Variants in SYT16 observed in about 807,000 individuals in gnomAD.
SYT16 encodes synaptotagmin 16.
Under a neutral mutation model 61.4 loss-of-function variants are expected in SYT16, and 42 were observed. The observed-to-expected ratio is 0.68, with a 90% CI of 0.53 to 0.89. The LOEUF (loss-of-function observed/expected upper bound fraction) is 0.89. Ranked by LOEUF, SYT16 falls within the 40% of genes least tolerant of loss-of-function variation. The pLI, the probability that SYT16 is intolerant of heterozygous loss-of-function variation, is 0.00. For missense variants in SYT16, 804 were observed against 807.3 expected (o/e 1.00, Z 0.05); for synonymous variants, 314 against 302.3 (o/e 1.04, Z -0.40).
intron 1 of SYT16, among the ~76,000 whole-genome samples, chr14:61,908,813 C>A (rs1057055865): frequency 6.6e-6 from 1 of 152,126 alleles, no homozygotes; most frequent in African/African-American, 2.4e-5. Flanking sequence ...CCATTTCTTT[C>A]TTTCTTCCTT....
chr14:61,938,026 A>AACACACACACACACACACACACACACAC (rs3071213), intron 1 of SYT16, among the ~76,000 whole-genome samples: 54 of 135,728 alleles, frequency 4.0e-4, no homozygotes, highest in South Asian at 1.6e-3. Context: ...CCTACCCCGC[A>AACACACACACACACACACACACACACAC]ACACACACAC....
At chr14:61,852,414 T>G (rs1488513646) in intron 1 of SYT16, among the ~76,000 whole-genome samples, 1 of 152,212 alleles carries the variant, frequency 6.6e-6, no homozygotes, top group African/African-American at 2.4e-5. Flanking sequence ...TCTTTTTGGT[T>G]CCATTTGAAT....
intron 3 of SYT16, among the ~76,000 whole-genome samples, chr14:62,049,669 C>T (rs1469222755): frequency 6.6e-6 from 1 of 152,124 alleles, no homozygotes; most frequent in Non-Finnish European, 1.5e-5. Flanking sequence ...TAGGGCAGGC[C>T]TGGTGGTGAC....
chr14:61,825,741 C>T (rs1359857513), intron 1 of SYT16, among the ~76,000 whole-genome samples: 1 of 152,014 alleles, frequency 6.6e-6, no homozygotes, highest in African/African-American at 2.4e-5. Context: ...TTTCTGGTCA[C>T]AAAACTTCTA....
chr14:61,832,214 G>T, intron 1 of SYT16: 1 of 640,760 alleles, frequency 1.6e-6, no homozygotes, highest in South Asian at 1.4e-5. Flanking sequence ...ACAGGTGCTT[G>T]ACATGGGCCA....
At chr14:61,903,416 T>G (rs1307341133) in intron 1 of SYT16, among the ~76,000 whole-genome samples, 1 of 152,216 alleles carries the variant, frequency 6.6e-6, no homozygotes, top group African/African-American at 2.4e-5. Context: ...TGGCCCTCAT[T>G]AAATGTATGT....
rs375306320 is a variant in SYT16, at chr14:62,100,587, G to T, written c.1818G>T (p.Met606Ile). The change falls in exon 8 of 8, where the codon ATG (methionine) becomes ATT (isoleucine). Residue 606 changes from methionine to isoleucine, a missense_variant. By Grantham distance (10) the Met-to-Ile change is conservative. Coordinates refer to ENST00000683842, the MANE Select transcript of SYT16 (RefSeq NM_001367656.1). ...YNRRTMKRKE[M>I]IGWIALGQNS... ...GGCGTACTATGAAGCGTAAAGAGAT[G>T]ATTGGCTGGATTGCCCTGGGCCAGA... 2.5e-6 allele frequency: 4 copies of T among 1,613,768 alleles called. No individual in the cohort carries two copies. Among genetic ancestry groups the T allele is most frequent in the African/African-American group, 1.3e-5 (1 of 75,034 alleles).
At chr14:62,054,677 A>G (rs1431809599) in intron 3 of SYT16, among the ~76,000 whole-genome samples, 1 of 152,072 alleles carries the variant, frequency 6.6e-6, no homozygotes, top group African/African-American at 2.4e-5. Flanking sequence ...GTCTATTCTT[A>G]ATATTCAGTC....
At chr14:61,898,021 T>G (rs2048384088) in intron 1 of SYT16, among the ~76,000 whole-genome samples, 1 of 152,204 alleles carries the variant, frequency 6.6e-6, no homozygotes, top group Admixed American at 6.5e-5. Flanking sequence ...CTTAATAATG[T>G]CAGAGGTTAA....
chr14:61,891,357 C>T (rs2048125835), intron 1 of SYT16, among the ~76,000 whole-genome samples: 1 of 151,964 alleles, frequency 6.6e-6, no homozygotes, highest in Non-Finnish European at 1.5e-5. Context: ...CATTGATTCA[C>T]ATTTCAAGCC....
chr14:62,100,264 C>A, intron 7 of SYT16, 130 bp from the exon 8 acceptor site: 1 of 766,892 alleles, frequency 1.3e-6, no homozygotes, highest in Non-Finnish European at 2.0e-6. Context: ...AAGAACCAGG[C>A]TTAAGGATAC....
chr14:61,898,263 T>C (rs2048394679), intron 1 of SYT16, among the ~76,000 whole-genome samples: 1 of 152,184 alleles, frequency 6.6e-6, no homozygotes, highest in Non-Finnish European at 1.5e-5. Flanking sequence ...TCCTACCTTA[T>C]CCTAGTTTTC....
At chr14:62,053,643 T>C (rs1320489443) in intron 3 of SYT16, among the ~76,000 whole-genome samples, 1 of 152,192 alleles carries the variant, frequency 6.6e-6, no homozygotes, top group Non-Finnish European at 1.5e-5. Flanking sequence ...AATAGTATAA[T>C]AGATGTTAAG....
chr14:62,014,786 C>T (rs1844273056), intron 3 of SYT16, among the ~76,000 whole-genome samples: 1 of 152,008 alleles, frequency 6.6e-6, no homozygotes, highest in Non-Finnish European at 1.5e-5. Context: ...TGAGTTTCCC[C>T]CTCCGAATGT....
At position 61,920,088 on chromosome 14, in the gene SYT16, C is replaced by T. The variant is rs112058273; in HGVS notation, c.-324-50044C>T. On this transcript the variant is annotated intron_variant, in intron 1 of 7. Transcript: ENST00000683842. ...GACATACACACATTGCTGTTTCACA[C>T]GCCTGTGCCTTTGCTGATGCTGGTC... Among the ~76,000 whole-genome samples the T allele has an allele frequency of 1.9e-4, 29 of 152,260 alleles. 1 individual carries two copies. The highest frequency in any genetic ancestry group is 3.4e-3 in the Middle Eastern group (1 of 294).
chr14:62,029,273 C>A (rs1216607457), intron 3 of SYT16, among the ~76,000 whole-genome samples: 1 of 152,178 alleles, frequency 6.6e-6, no homozygotes, highest in Non-Finnish European at 1.5e-5. Context: ...GGATTAAAGG[C>A]ACCCACCATC....
intron 1 of SYT16, among the ~76,000 whole-genome samples, chr14:61,829,704 G>T (rs992443787): frequency 6.6e-6 from 1 of 151,804 alleles, no homozygotes; most frequent in Non-Finnish European, 1.5e-5. Context: ...GCCCAGGCTG[G>T]AGTACAATGG....
chr14:61,946,740 G>C (rs2050453515), intron 1 of SYT16, among the ~76,000 whole-genome samples: 1 of 152,108 alleles, frequency 6.6e-6, no homozygotes. Flanking sequence ...TTTAGGACTA[G>C]GTCCTATTCT....
At chr14:62,075,454 CT>C in intron 5 of SYT16, 63 bp downstream of exon 5, 3 of 1,432,840 alleles carry the variant, frequency 2.1e-6, no homozygotes, top group Non-Finnish European at 2.8e-6. Context: ...TTCCACTCTC[CT>C]TTCTCATCTC....
Sources: gnomAD v4.1 joint callset for allele counts (sites outside exome capture counted in the v4.1 genomes callset) on GRCh38, gnomAD v4.1.1 for gene constraint, MANE v1.5 for transcripts, NCBI Gene and HGNC (gene_info 2026-07-23, HGNC 2026-07-21) for gene names.